The following EXT1 variants were observed in gnomAD, a reference collection of about 807,000 sequenced individuals.
EXT1 encodes exostosin glycosyltransferase 1.
In EXT1, 20 loss-of-function variants were observed where a neutral mutation model predicts 82.5. The ratio of observed to expected loss-of-function variants is 0.24; its 90% CI spans 0.17 to 0.35. The LOEUF (loss-of-function observed/expected upper bound fraction) is 0.35, where lower values mean the gene tolerates loss of function less well. Ranked by LOEUF, EXT1 falls within the 10% of genes least tolerant of loss-of-function variation. The probability of loss-of-function intolerance (pLI) is 1.00; values close to 1 mark genes in which losing one functional copy is unlikely to be tolerated. For synonymous variants in EXT1, 348 were observed against 350.8 expected (o/e 0.99, Z 0.09); for missense variants, 757 against 936.5 (o/e 0.81, Z 2.50).
chr8:117,978,461 G>T (rs763108204), intron 1 of EXT1, among the ~76,000 whole-genome samples: 1 of 151,772 alleles, frequency 6.6e-6, no homozygotes, highest in Non-Finnish European at 1.5e-5. Flanking sequence ...ATTCAACTAT[G>T]TAAAAGTACT....
At chr8:117,853,335 A>C (rs530501887) in intron 1 of EXT1, among the ~76,000 whole-genome samples, 1 of 152,318 alleles carries the variant, frequency 6.6e-6, no homozygotes, top group South Asian at 2.1e-4. Context: ...ATTTGAGGTC[A>C]GGAGTTCAAG....
chr8:118,035,529 A>C (rs866387554), intron 1 of EXT1, among the ~76,000 whole-genome samples: 5 of 151,830 alleles, frequency 3.3e-5, no homozygotes, highest in Admixed American at 1.3e-4. Context: ...AAGGTATTTC[A>C]AAAAAAACAG....
chr8:118,110,867 G>A lies in EXT1; in HGVS notation c.180C>T (p.Asp60=), dbSNP rs906171134. ...SPDHFWPRFP[D]ALRPFVPWDQ... is the part of the protein sequence containing the mutation. ...CCCAAGGAACGAAGGGGCGCAGAGC[G>A]TCCGGGAAGCGGGGCCAGAAATGAT... Residue 60 remains aspartate, a synonymous_variant, in exon 1 of 11, where the codon GAC becomes GAT. Coordinates refer to ENST00000378204, the MANE Select transcript of EXT1 (RefSeq NM_000127.3). The A allele has an allele frequency of 1.9e-6, 3 of 1,613,114 alleles. No individual in the cohort carries two copies. The highest frequency in any genetic ancestry group is 1.3e-5 in the African/African-American group (1 of 74,988).
At position 118,075,989 on chromosome 8, in the gene EXT1, T is replaced by C. The variant is rs1817201841; in HGVS notation, c.962+34096A>G. 2.0e-5 allele frequency among the ~76,000 whole-genome samples: 3 copies of C among 152,222 alleles called. No individual in the cohort carries two copies. In the South Asian group the frequency reaches 6.2e-4, roughly 32 times the overall value. On this transcript the variant is annotated intron_variant, in intron 1 of 10. Coordinates refer to ENST00000378204, the MANE Select transcript of EXT1 (RefSeq NM_000127.3). The stretch of plus-strand genomic sequence containing the variant: ...GGGGACAAATATCCAAACTATATCA[T>C]ATGATAAAGAGAAAACAAATACATA...
intron 1 of EXT1, among the ~76,000 whole-genome samples, chr8:117,943,628 A>G (rs17504764): frequency 0.057 from 8,726 of 152,332 alleles, 876 homozygotes; most frequent in African/African-American, 0.2. Flanking sequence ...ACATATCAGC[A>G]TATGAGCACA....
chr8:117,899,851 T>G (rs1470743347), intron 1 of EXT1, among the ~76,000 whole-genome samples: 1 of 152,240 alleles, frequency 6.6e-6, no homozygotes, highest in Non-Finnish European at 1.5e-5. Context: ...ACTTGAGCAC[T>G]GTTTGCCACT....
intron 4 of EXT1, among the ~76,000 whole-genome samples, chr8:117,825,527 G>A (rs1811995973): frequency 6.6e-6 from 1 of 152,086 alleles, no homozygotes; most frequent in Non-Finnish European, 1.5e-5. Context: ...GTCCTAGATG[G>A]CCCCCTCGAT....
At chr8:117,874,590 A>C (rs985166857) in intron 1 of EXT1, among the ~76,000 whole-genome samples, 2 of 150,682 alleles carry the variant, frequency 1.3e-5, no homozygotes, top group African/African-American at 4.9e-5. Flanking sequence ...AAAAAAAAAA[A>C]AAAGAACAAT....
chr8:117,834,357 C>T (rs1563574965), intron 3 of EXT1, among the ~76,000 whole-genome samples: 1 of 152,158 alleles, frequency 6.6e-6, no homozygotes, highest in South Asian at 2.1e-4. Context: ...GTAATTCCAG[C>T]ACTTTGGGAG....
chr8:117,918,009 T>TG (rs1035603366), intron 1 of EXT1, among the ~76,000 whole-genome samples: 2 of 152,162 alleles, frequency 1.3e-5, no homozygotes, highest in Non-Finnish European at 2.9e-5. Flanking sequence ...AACACTAATG[T>TG]GGGGAGTCCT....
chr8:117,955,028 G>A (rs575632293), intron 1 of EXT1, among the ~76,000 whole-genome samples: 2 of 152,204 alleles, frequency 1.3e-5, no homozygotes, highest in South Asian at 2.1e-4. Flanking sequence ...AAGTTCAATC[G>A]TTTGCTAGAA....
rs1226632636 is a variant in EXT1, at chr8:117,831,724, T to C, written c.1165-1375A>G. The C allele has an allele frequency of 8.5e-6, 4 of 467,948 alleles. No individual in the cohort carries two copies. The East Asian group carries it at 2.8e-4, about 33-fold the overall frequency. The allele number at this position is 467,948 out of a possible 1,614,324, so 29.0% of individuals were successfully genotyped here. On this transcript the variant is annotated intron_variant, in intron 3 of 10. Transcript: ENST00000378204. The stretch of plus-strand genomic sequence containing the variant: ...GTCACCCATGGCATTTGACTAAGAC[T>C]GTAACAGAGTTTCCATTGGAGGGGA...
intron 1 of EXT1, among the ~76,000 whole-genome samples, chr8:118,057,616 A>G (rs1221223434): frequency 6.6e-6 from 1 of 152,140 alleles, no homozygotes; most frequent in East Asian, 1.9e-4. Context: ...AGGATTGTTA[A>G]GCACTCCAGT....
chr8:117,980,800 C>T (rs1386211452), intron 1 of EXT1, among the ~76,000 whole-genome samples: 1 of 147,762 alleles, frequency 6.8e-6, no homozygotes, highest in Non-Finnish European at 1.5e-5. Context: ...AGCTGGAGGG[C>T]AGAGGCTGCT....
rs1322177787 is a variant in EXT1, at chr8:117,797,443, G to A, written c.*2269C>T. ...GTGACAGGTCAATCTGGCAAAGCAGGTCCTTGAATCCACTTGTGTGACTGA... is the reference window on the plus strand; with the variant it reads ...GTGACAGGTCAATCTGGCAAAGCAGATCCTTGAATCCACTTGTGTGACTGA... On this transcript the variant is annotated 3_prime_UTR_variant, in exon 11 of 11. Coordinates refer to ENST00000378204, the MANE Select transcript of EXT1 (RefSeq NM_000127.3). The A allele has an allele frequency of 6.6e-6, 1 of 152,210 alleles. No individual in the cohort carries two copies. The highest frequency in any genetic ancestry group is 1.5e-5 in the Non-Finnish European group (1 of 68,026). The allele number at this position is 152,210 out of a possible 1,614,324, so 9.4% of individuals were successfully genotyped here. A position where few individuals can be genotyped will look rare whatever the true frequency, so the allele number is the denominator to read the frequency against.
Position 118,029,867 on chromosome 8 carries a change from C to T in EXT1, c.962+80218G>A, listed in dbSNP as rs1434277296. Among the ~76,000 whole-genome samples the T allele has an allele frequency of 2.0e-5, 3 of 152,204 alleles. No individual in the cohort carries two copies. The East Asian group carries it at 5.8e-4, about 29-fold the overall frequency. ...GCACATTCCTTATTGATTTTGAGCA[C>T]AAATATTTTCCCACAAGTATTTGCT... On this transcript the variant is annotated intron_variant, in intron 1 of 10. Coordinates refer to ENST00000378204, the MANE Select transcript of EXT1 (RefSeq NM_000127.3).
intron 1 of EXT1, among the ~76,000 whole-genome samples, chr8:118,078,642 A>C (rs1251479580): frequency 6.6e-6 from 1 of 152,200 alleles, no homozygotes. Flanking sequence ...CCACAAATGA[A>C]GGGTAATTAA....
At chr8:118,041,478 T>A (rs1270986806) in intron 1 of EXT1, among the ~76,000 whole-genome samples, 3 of 152,096 alleles carry the variant, frequency 2.0e-5, no homozygotes, top group Non-Finnish European at 4.4e-5. Context: ...AATAATAGTA[T>A]CTTACCCATA....
chr8:118,106,236 A>C (rs1817801120), intron 1 of EXT1, among the ~76,000 whole-genome samples: 1 of 152,254 alleles, frequency 6.6e-6, no homozygotes, highest in Non-Finnish European at 1.5e-5. Flanking sequence ...GAATTCTAAG[A>C]GAAATCCCAT....
Sources: allele counts gnomAD v4.1 joint callset (sites outside exome capture counted in the v4.1 genomes callset), GRCh38; gene constraint gnomAD v4.1.1; transcripts MANE v1.5; gene names NCBI Gene and HGNC (gene_info 2026-07-23, HGNC 2026-07-21).